SPRY3: variants seen among roughly 807,000 people sequenced by gnomAD.
SPRY3 encodes the protein protein sprouty homolog 3.
In SPRY3, 15 loss-of-function variants were observed where a neutral mutation model predicts 20.2. The observed-to-expected ratio is 0.74, with a 90% confidence interval of 0.50 to 1.14. The LOEUF is 1.14. Ranked by LOEUF, SPRY3 falls within the 50% of genes most tolerant of loss-of-function variation. The pLI is 0.00. For missense variants in SPRY3, 364 were observed against 363.9 expected, an observed-to-expected ratio of 1.00 and a Z score of 0.00; for synonymous variants, 143 against 136.5, an observed-to-expected ratio of 1.05 and a Z score of -0.33.
intron 2 of SPRY3, among the ~76,000 whole-genome samples, chrX:155,754,556 AT>A (rs2091276460): frequency 6.6e-6 from 1 of 151,850 alleles, no homozygotes; most frequent in Admixed American, 6.6e-5. Flanking sequence ...CCTTTTCAAG[AT>A]TGTTTTGACT....
chrX:155,629,625 A>G (rs1227774152), intron 1 of SPRY3, among the ~76,000 whole-genome samples: 2 of 111,832 alleles, frequency 1.8e-5, no homozygotes, highest in African/African-American at 3.3e-5. Context: ...TCCCACCAAC[A>G]GTGTAAAAGC....
intron 2 of SPRY3, among the ~76,000 whole-genome samples, chrX:155,733,230 C>T (rs1278051252): frequency 6.6e-6 from 1 of 151,492 alleles, no homozygotes; most frequent in Admixed American, 6.6e-5. Context: ...TAATTTATTA[C>T]ACATTGTATG....
At chrX:155,729,636 A>C (rs2091120558) in intron 2 of SPRY3, among the ~76,000 whole-genome samples, 1 of 152,036 alleles carries the variant, frequency 6.6e-6, no homozygotes, top group Admixed American at 6.5e-5. Context: ...AAATAACTGA[A>C]TGATGCCTCT....
chrX:155,750,660 G>C (rs1198652499), intron 2 of SPRY3, among the ~76,000 whole-genome samples: 1 of 151,848 alleles, frequency 6.6e-6, no homozygotes, highest in Non-Finnish European at 1.5e-5. Flanking sequence ...ATGTCAGCAA[G>C]GGTAGCTTGT....
intron 2 of SPRY3, among the ~76,000 whole-genome samples, chrX:155,699,249 G>A (rs948889832): frequency 9.0e-5 from 10 of 111,446 alleles, no homozygotes; most frequent in South Asian, 3.8e-4. Flanking sequence ...CAGTTGGCCC[G>A]TATCTAAGGG....
chrX:155,767,344 T>C (rs2091338890), intron 2 of SPRY3, among the ~76,000 whole-genome samples: 1 of 152,034 alleles, frequency 6.6e-6, no homozygotes, highest in Admixed American at 6.6e-5. Context: ...AACGGCCAGC[T>C]AGCTAAGCTG....
intron 2 of SPRY3, among the ~76,000 whole-genome samples, chrX:155,708,945 A>G (rs1038387216): frequency 3.3e-5 from 5 of 151,018 alleles, no homozygotes; most frequent in South Asian, 2.1e-4. Context: ...CTCTATCTCC[A>G]TTAGTTCAAT....
At chrX:155,616,130 CCTCT>C (rs1557348859) in intron 1 of SPRY3, among the ~76,000 whole-genome samples, 1,045 of 55,880 alleles carry the variant, frequency 0.019, 30 homozygotes, top group Middle Eastern at 0.041. Flanking sequence ...CTCTCTCTCT[CCTCT>C]CTCTCTCTCT....
At chrX:155,740,812 C>CCCCTGTTCA (rs1393000655) in intron 2 of SPRY3, among the ~76,000 whole-genome samples, 4,498 of 152,024 alleles carry the variant, frequency 0.03, 79 homozygotes, top group Non-Finnish European at 0.042. Flanking sequence ...TCTTTGTGAC[C>CCCCTGTTCA]TACTCCCTGT....
intron 2 of SPRY3, among the ~76,000 whole-genome samples, chrX:155,724,316 G>A (rs2091083064): frequency 6.6e-6 from 1 of 152,060 alleles, no homozygotes; most frequent in South Asian, 2.1e-4. Flanking sequence ...TTCCAATTCT[G>A]TGAAGAAAGT....
At chrX:155,766,152 T>C (rs1288595043) in intron 2 of SPRY3, among the ~76,000 whole-genome samples, 3 of 152,200 alleles carry the variant, frequency 2.0e-5, no homozygotes, top group Non-Finnish European at 4.4e-5. Flanking sequence ...CATGCACGCA[T>C]GCACACACAC....
At chrX:155,715,141 C>G (rs1268351688) in intron 2 of SPRY3, among the ~76,000 whole-genome samples, 1 of 152,046 alleles carries the variant, frequency 6.6e-6, no homozygotes, top group Non-Finnish European at 1.5e-5. Flanking sequence ...TTTTCTCAAA[C>G]AGAAGGAGTC....
chrX:155,733,363 A>G (rs1399280720), intron 2 of SPRY3, among the ~76,000 whole-genome samples: 1 of 144,330 alleles, frequency 6.9e-6, no homozygotes, highest in Non-Finnish European at 1.5e-5. Flanking sequence ...ACATATATGT[A>G]TAATGTATAT....
chrX:155,706,501 A>C (rs2090952118), intron 2 of SPRY3, among the ~76,000 whole-genome samples: 1 of 150,864 alleles, frequency 6.6e-6, no homozygotes, highest in African/African-American at 2.4e-5. Context: ...AAAGCTGAGA[A>C]AAAATCAATA....
At chrX:155,774,641 G>C in exon 4 of SPRY3, 1 of 1,613,934 alleles carries the variant, frequency 6.2e-7, no homozygotes, top group South Asian at 1.1e-5. Context: ...AGCCTCCGGC[G>C]ACCAGGCTGC....
intron 2 of SPRY3, among the ~76,000 whole-genome samples, chrX:155,737,480 A>C (rs2091176886): frequency 6.6e-6 from 1 of 152,198 alleles, no homozygotes; most frequent in Non-Finnish European, 1.5e-5. Context: ...GATCATACAG[A>C]GTACTATGTA....
chrX:155,659,104 C>CTTCTTTCTTTCT (rs199567564), intron 2 of SPRY3, among the ~76,000 whole-genome samples: 3,210 of 83,914 alleles, frequency 0.038, 102 homozygotes, highest in African/African-American at 0.053. Flanking sequence ...TTTTTTCTTT[C>CTTCTTTCTTTCT]TTCTTTCTTT....
chrX:155,769,901 G>C (rs1212360332), intron 3 of SPRY3, among the ~76,000 whole-genome samples: 1 of 152,156 alleles, frequency 6.6e-6, no homozygotes, highest in Non-Finnish European at 1.5e-5. Flanking sequence ...GTATTTGTAA[G>C]GGGGGAGTGC....
chrX:155,698,046 C>A (rs750103369), intron 2 of SPRY3, among the ~76,000 whole-genome samples: 1 of 110,960 alleles, frequency 9.0e-6, no homozygotes, highest in East Asian at 2.8e-4. Flanking sequence ...GACAATGTCA[C>A]AATTTTTACA....
Sources: allele counts gnomAD v4.1 joint callset (sites outside exome capture counted in the v4.1 genomes callset), GRCh38; gene constraint gnomAD v4.1.1; transcripts MANE v1.5; gene names NCBI Gene and HGNC (gene_info 2026-07-23, HGNC 2026-07-21).